Variants in PLCL1 observed in about 807,000 individuals in gnomAD.
PLCL1 encodes inactive phospholipase C-like protein 1.
Under a neutral mutation model 84.4 loss-of-function variants are expected in PLCL1, and 41 were observed. That is an observed-to-expected ratio of 0.49 (90% CI 0.38 to 0.63). The LOEUF (loss-of-function observed/expected upper bound fraction) is 0.63. PLCL1 is among the 30% of genes least tolerant of loss of function. The pLI is 0.00. For synonymous variants in PLCL1, 490 were observed against 488.3 expected (o/e 1.00, Z -0.05); for missense variants, 1,206 against 1,367.8 (o/e 0.88, Z 1.87).
intron 1 of PLCL1, among the ~76,000 whole-genome samples, chr2:197,960,208 G>A (rs961294412): frequency 6.6e-6 from 1 of 152,058 alleles, no homozygotes; most frequent in African/African-American, 2.4e-5. Context: ...ATTGTGAGCT[G>A]CCTTCTTCAG....
At chr2:198,127,012 G>GTGTGTGTGTGTGT (rs144423192) in intron 5 of PLCL1, among the ~76,000 whole-genome samples, 8 of 92,784 alleles carry the variant, frequency 8.6e-5, no homozygotes, top group African/African-American at 3.2e-4. Context: ...GTGTGTGTGT[G>GTGTGTGTGTGTGT]GGGGGTGGTG....
chr2:197,885,459 C>T (rs1381062906), intron 1 of PLCL1, among the ~76,000 whole-genome samples: 2 of 152,150 alleles, frequency 1.3e-5, no homozygotes, highest in Non-Finnish European at 2.9e-5. Context: ...ATGTTTTGTT[C>T]TATTCAAAAT....
chr2:197,851,575 A>G (rs1346555085), intron 1 of PLCL1, among the ~76,000 whole-genome samples: 1 of 152,236 alleles, frequency 6.6e-6, no homozygotes, highest in Non-Finnish European at 1.5e-5. Context: ...TCCCAATGAC[A>G]CCTAAAATCT....
At chr2:197,922,693 A>G (rs1245900678) in intron 1 of PLCL1, among the ~76,000 whole-genome samples, 2 of 112,500 alleles carry the variant, frequency 1.8e-5, no homozygotes, top group Non-Finnish European at 1.9e-5. Context: ...CTGGCTGGGC[A>G]GAGGGGCTCC....
chr2:197,805,860 G>A lies in PLCL1; in HGVS notation c.240+521G>A, dbSNP rs1690464039. Among the ~76,000 whole-genome samples, 1 of 152,228 alleles carries A rather than the reference G, an allele frequency of 6.6e-6. No individual in the cohort carries two copies. The highest frequency in any genetic ancestry group is 2.1e-4 in the South Asian group (1 of 4,830). On this transcript the variant is annotated intron_variant, in intron 1 of 5. Transcript: ENST00000428675. This position sits in a 1 kb window ranked among gnomAD's most constrained non-coding sequence, Gnocchi z 4.0. ...AGTGGACCCTGCATCACAGTAAAGA[G>A]CAATGCAAGAGCCCAGAGTTTTTGC...
intron 1 of PLCL1, among the ~76,000 whole-genome samples, chr2:197,947,968 G>C (rs565424622): frequency 6.6e-6 from 1 of 152,116 alleles, no homozygotes; most frequent in African/African-American, 2.4e-5. Context: ...ACATAATTAG[G>C]GGGTAGTTTC....
intron 5 of PLCL1, among the ~76,000 whole-genome samples, chr2:198,131,591 A>C (rs899515574): frequency 2.0e-5 from 3 of 152,168 alleles, no homozygotes; most frequent in African/African-American, 7.2e-5. Flanking sequence ...GACATTTCCA[A>C]AGTCACAAAG....
At chr2:197,809,402 G>A (rs568823596) in intron 1 of PLCL1, among the ~76,000 whole-genome samples, 2 of 152,306 alleles carry the variant, frequency 1.3e-5, no homozygotes, top group East Asian at 1.9e-4. Context: ...GAAACAGCCC[G>A]AACACGTGAG....
chr2:197,825,960 C>G (rs1690919843), intron 1 of PLCL1, among the ~76,000 whole-genome samples: 1 of 152,136 alleles, frequency 6.6e-6, no homozygotes, highest in Non-Finnish European at 1.5e-5. Flanking sequence ...CTAGCAGTTC[C>G]TCTAATAAAG....
rs895569418 is a variant in PLCL1 at position 197,824,688 on chromosome 2, C to T, written c.240+19349C>T. On this transcript the variant is annotated intron_variant, in intron 1 of 5. Transcript: ENST00000428675. ...ATGATTGTGCCACTGCACTCCAGCC[C>T]GGGCAACAGAGCGAGACCCTGTCTC... is the stretch of plus-strand genomic sequence containing the variant. Among the ~76,000 whole-genome samples the T allele has an allele frequency of 9.2e-5, 13 of 141,512 alleles. 1 individual carries two copies. The highest frequency in any genetic ancestry group is 3.0e-4 in the Admixed American group (4 of 13,452). 92.8% of individuals were successfully genotyped at this position (141,512 alleles called of 152,430 possible).
At chr2:197,826,166 A>G (rs1690924003) in intron 1 of PLCL1, among the ~76,000 whole-genome samples, 1 of 152,194 alleles carries the variant, frequency 6.6e-6, no homozygotes, top group Admixed American at 6.5e-5. Context: ...CAAACCATGT[A>G]TGACATGTAT....
intron 5 of PLCL1, among the ~76,000 whole-genome samples, chr2:198,109,981 A>G (rs910656539): frequency 2.0e-5 from 3 of 151,806 alleles, no homozygotes; most frequent in South Asian, 4.1e-4. Context: ...AGGAAAAACT[A>G]TGAAGTAGGT....
chr2:197,881,023 A>G (rs953566966), intron 1 of PLCL1, among the ~76,000 whole-genome samples: 6 of 152,160 alleles, frequency 3.9e-5, no homozygotes, highest in Non-Finnish European at 7.4e-5. Context: ...TTAGGTTGCT[A>G]GGGGACTCTG....
In PLCL1 at chr2:198,146,918, G is replaced by A; in HGVS notation, c.3244G>A (p.Ala1082Thr). 1 of 1,612,950 alleles carries A rather than the reference G, an allele frequency of 6.2e-7. No individual in the cohort carries two copies. The highest frequency in any genetic ancestry group is 8.5e-7 in the Non-Finnish European group (1 of 1,179,274). The change falls in exon 6 of 6, where the codon GCC becomes ACC. Residue 1082 changes from alanine (A) to threonine (T), a missense_variant. Ala to Thr is a moderately conservative substitution (Grantham distance 58). Transcript: ENST00000428675. Reference protein sequence around the residue: ...AEAKSKRSLEAIEEKESSEEN... With the variant: ...AEAKSKRSLETIEEKESSEEN... ...GGCCAAGAGCAAGCGCAGCCTGGAA[G>A]CCATAGAGGAGAAGGAAAGTAGTGA... is the stretch of plus-strand genomic sequence containing the variant.
intron 1 of PLCL1, among the ~76,000 whole-genome samples, chr2:197,879,625 C>T (rs1177798273): frequency 6.6e-6 from 1 of 152,072 alleles, no homozygotes; most frequent in Non-Finnish European, 1.5e-5. Context: ...TGGGTTGTCT[C>T]TTTAATTTGT....
chr2:198,126,931 A>G (rs1294368423), intron 5 of PLCL1, among the ~76,000 whole-genome samples: 1 of 151,490 alleles, frequency 6.6e-6, no homozygotes, highest in Non-Finnish European at 1.5e-5. Context: ...AGAGCCATTT[A>G]CTAAGCAGAT....
intron 1 of PLCL1, among the ~76,000 whole-genome samples, chr2:197,931,137 AT>A (rs1688923249): frequency 6.6e-6 from 1 of 152,106 alleles, no homozygotes; most frequent in South Asian, 2.1e-4. Flanking sequence ...AGCCACCTTG[AT>A]TGGGAAAAGA....
chr2:197,967,351 C>T (rs1376853325), intron 1 of PLCL1, among the ~76,000 whole-genome samples: 1 of 152,120 alleles, frequency 6.6e-6, no homozygotes, highest in Non-Finnish European at 1.5e-5. Flanking sequence ...CACGTGCCAC[C>T]ACGCCCAGCT....
intron 1 of PLCL1, among the ~76,000 whole-genome samples, chr2:197,923,333 C>T (rs1336311193): frequency 8.9e-5 from 13 of 146,390 alleles, no homozygotes; most frequent in Admixed American, 4.7e-4. Context: ...GGGTGGCTGC[C>T]GGGTGGAGAG....
Sources: allele counts gnomAD v4.1 joint callset (sites outside exome capture counted in the v4.1 genomes callset), GRCh38; gene constraint gnomAD v4.1.1; non-coding constraint Gnocchi (gnomAD v3.1); transcripts MANE v1.5; gene names NCBI Gene and HGNC (gene_info 2026-07-23, HGNC 2026-07-21).